Variants in SLC26A5 observed in about 807,000 individuals in gnomAD.
SLC26A5 encodes solute carrier family 26 member 5, also known as prestin.
A neutral mutation model predicts 81.0 loss-of-function variants in SLC26A5; 51 were observed. The observed-to-expected ratio is 0.63, with a 90% CI of 0.50 to 0.80. SLC26A5 has a LOEUF of 0.80. Among genes scored for constraint, SLC26A5 ranks in the 30% least tolerant of loss-of-function variants. The probability of loss-of-function intolerance (pLI) is 0.00; values close to 1 mark genes in which losing one functional copy is unlikely to be tolerated. For missense variants in SLC26A5, 771 were observed against 905.8 expected, an observed-to-expected ratio of 0.85 and a Z score of 1.91; for synonymous variants, 325 against 332.8, an observed-to-expected ratio of 0.98 and a Z score of 0.25.
At chr7:103,434,371 A>G (rs1826296470) in intron 2 of SLC26A5, among the ~76,000 whole-genome samples, 1 of 152,194 alleles carries the variant, frequency 6.6e-6, no homozygotes, top group African/African-American at 2.4e-5. Context: ...AGAAAGTTTT[A>G]GGAATCTCTG....
At chr7:103,406,490 C>T (rs894318918) in intron 8 of SLC26A5, among the ~76,000 whole-genome samples, 5 of 152,194 alleles carry the variant, frequency 3.3e-5, no homozygotes, top group Admixed American at 2.0e-4. Flanking sequence ...CCTGGTTCAG[C>T]TTGCCCTCTG....
chr7:103,395,457 A>G (rs1008452786), intron 9 of SLC26A5, among the ~76,000 whole-genome samples: 2 of 142,380 alleles, frequency 1.4e-5, no homozygotes, highest in African/African-American at 5.2e-5. Context: ...TGACAAGTAG[A>G]TTTATATATA....
rs1821177486 is a variant in SLC26A5 at position 103,374,215 on chromosome 7, T to G, written c.*184A>C. The G allele has an allele frequency of 6.4e-6, 9 of 1,401,260 alleles. No individual in the cohort carries two copies. The South Asian group carries it at 1.5e-4, about 24-fold the overall frequency. The allele number at this position is 1,401,260 out of a possible 1,614,324, so 86.8% of individuals were successfully genotyped here. A position where few individuals can be genotyped will look rare whatever the true frequency, so the allele number is the denominator to read the frequency against. Reference sequence around the variant, plus strand: ...TGCAGGCAACAGGCCAATTTATCTTTGAAGTATTCAATTAAAAAAACACAA... The same window carrying G: ...TGCAGGCAACAGGCCAATTTATCTTGGAAGTATTCAATTAAAAAAACACAA... On this transcript the variant is annotated 3_prime_UTR_variant, in exon 20 of 20. Coordinates refer to ENST00000306312, the MANE Select transcript of SLC26A5 (RefSeq NM_198999.3).
At chr7:103,425,192 T>C (rs966418122) in intron 2 of SLC26A5, among the ~76,000 whole-genome samples, 2 of 152,206 alleles carry the variant, frequency 1.3e-5, no homozygotes, top group African/African-American at 4.8e-5. Flanking sequence ...ATTCCTTCTA[T>C]TTCATTAAGC....
At chr7:103,391,297 A>C (rs1822633127) in intron 11 of SLC26A5, among the ~76,000 whole-genome samples, 1 of 152,242 alleles carries the variant, frequency 6.6e-6, no homozygotes. Flanking sequence ...TCATTGCGGA[A>C]AGTTCTACTG....
At chr7:103,358,306 G>A (rs186887883) in intron 19 of SLC26A5, among the ~76,000 whole-genome samples, 1 of 152,104 alleles carries the variant, frequency 6.6e-6, no homozygotes, top group African/African-American at 2.4e-5. Flanking sequence ...ATTTCATGGT[G>A]ATGTGCCTTG....
At chr7:103,356,299 T>C in intron 19 of SLC26A5, among the ~76,000 whole-genome samples, 1 of 152,254 alleles carries the variant, frequency 6.6e-6, no homozygotes, top group Admixed American at 6.5e-5. Context: ...TCTGTTACTA[T>C]ACACAGTGCT....
intron 19 of SLC26A5, among the ~76,000 whole-genome samples, chr7:103,364,470 A>G (rs1278429346): frequency 1.3e-5 from 2 of 152,126 alleles, no homozygotes; most frequent in Non-Finnish European, 2.9e-5. Context: ...GTGCAGTGAC[A>G]TGATCTCAGC....
At chr7:103,413,732 C>T (rs954573365) in intron 4 of SLC26A5, among the ~76,000 whole-genome samples, 1 of 152,178 alleles carries the variant, frequency 6.6e-6, no homozygotes, top group African/African-American at 2.4e-5. Context: ...GCAGGTCACA[C>T]CCTCTAGGGG....
In SLC26A5 at chr7:103,389,348, C is replaced by G; in HGVS notation, c.1388G>C (p.Arg463Thr). 6.2e-7 allele frequency: 1 copy of G among 1,613,600 alleles called. No homozygotes were observed. The highest frequency in any genetic ancestry group is 8.5e-7 in the Non-Finnish European group (1 of 1,179,510). The change falls in exon 13 of 20, where the codon AGA (arginine) becomes ACA (threonine). Residue 463 changes from arginine to threonine, a missense_variant. Physicochemically the swap from Arg to Thr is moderately conservative, Grantham distance 71. Coordinates refer to ENST00000306312, the MANE Select transcript of SLC26A5 (RefSeq NM_198999.3). ...MQFSDLPFFW[R>T]TSKIELTIWL... ...ACTTACCAGCTCTATTTTGCTGGTTCTCCAGAAAAAGGGGAGATCTGAGAA... is the reference window on the plus strand; with the variant it reads ...ACTTACCAGCTCTATTTTGCTGGTTGTCCAGAAAAAGGGGAGATCTGAGAA...
chr7:103,362,257 T>C, intron 19 of SLC26A5: 1 of 1,420,606 alleles, frequency 7.0e-7, no homozygotes, highest in Non-Finnish European at 9.1e-7. Context: ...GCTTCCTAAC[T>C]TCCCATCGGC....
chr7:103,363,185 T>C (rs1820513684), intron 19 of SLC26A5, among the ~76,000 whole-genome samples: 2 of 152,252 alleles, frequency 1.3e-5, no homozygotes, highest in South Asian at 4.1e-4. Context: ...AACAAGTTAA[T>C]ACAGCAAGTA....
intron 2 of SLC26A5, among the ~76,000 whole-genome samples, chr7:103,424,905 AAAC>A (rs1825610518): frequency 1.3e-5 from 2 of 152,326 alleles, no homozygotes; most frequent in South Asian, 4.1e-4. Context: ...GGTGAGGCCT[AAAC>A]AATGGGTATT....
Position 103,380,496 on chromosome 7 carries a change from A to G in SLC26A5, c.1568T>C (p.Ile523Thr), listed in dbSNP as rs1180135995. ...KLPETDVYIDIDAYEEVKEIP... is the reference protein window; with the variant it reads ...KLPETDVYIDTDAYEEVKEIP... ...AGGTCCTACCTCCTCATATGCGTCTATATCAATATACACATCAGTTTCAGG... is the reference window on the plus strand; with the variant it reads ...AGGTCCTACCTCCTCATATGCGTCTGTATCAATATACACATCAGTTTCAGG... The change falls in exon 15 of 20, where the codon ATA (isoleucine) becomes ACA (threonine). Residue 523 changes from isoleucine (I) to threonine (T), a missense_variant. By Grantham distance (89) the Ile-to-Thr change is moderately conservative. Transcript: ENST00000306312. 4 of 1,613,736 alleles carry G rather than the reference A, an allele frequency of 2.5e-6. No individual in the cohort carries two copies. Among genetic ancestry groups the G allele is most frequent in the East Asian group, 2.2e-5 (1 of 44,872 alleles).
chr7:103,385,389 C>T (rs1310797161), intron 14 of SLC26A5, among the ~76,000 whole-genome samples: 1 of 152,140 alleles, frequency 6.6e-6, no homozygotes, highest in Non-Finnish European at 1.5e-5. Context: ...CTGCTTTGGC[C>T]TCCCAAAGTG....
chr7:103,378,713 C>A (rs1006459833), intron 16 of SLC26A5, among the ~76,000 whole-genome samples, 160 bp from the exon 17 acceptor site: 1 of 152,182 alleles, frequency 6.6e-6, no homozygotes, highest in South Asian at 2.1e-4. Context: ...ACTGGTTACT[C>A]CCTTACATTA....
intron 14 of SLC26A5, among the ~76,000 whole-genome samples, chr7:103,386,206 C>T (rs971458236): frequency 1.3e-5 from 2 of 151,628 alleles, no homozygotes; most frequent in Admixed American, 1.3e-4. Context: ...GCTTGGATTA[C>T]AGGAGTGAGC....
intron 15 of SLC26A5, among the ~76,000 whole-genome samples, chr7:103,379,566 C>A (rs1011224972): frequency 1.3e-5 from 2 of 151,592 alleles, no homozygotes; most frequent in African/African-American, 4.8e-5. Flanking sequence ...CTGACAGAGA[C>A]CTTTTTAACA....
chr7:103,411,062 T>C (rs1824446741), intron 6 of SLC26A5, among the ~76,000 whole-genome samples: 2 of 152,192 alleles, frequency 1.3e-5, no homozygotes, highest in South Asian at 4.1e-4. Context: ...ACCACACTAA[T>C]GCCTTCCCTG....
Sources: gnomAD v4.1 joint callset for allele counts (sites outside exome capture counted in the v4.1 genomes callset) on GRCh38, gnomAD v4.1.1 for gene constraint, MANE v1.5 for transcripts, NCBI Gene and HGNC (gene_info 2026-07-23, HGNC 2026-07-21) for gene names.